The following ADGRG4 variants were observed in gnomAD, a reference collection of about 807,000 sequenced individuals.
ADGRG4 encodes the protein G protein-coupled receptor 112.
ADGRG4 carries 122 observed loss-of-function variants against 126.2 expected under a neutral mutation model. That is an observed-to-expected ratio of 0.97 (90% CI 0.83 to 1.12). ADGRG4 has a LOEUF of 1.12. Ranked by LOEUF, ADGRG4 falls within the 50% of genes most tolerant of loss-of-function variation. ADGRG4 has a pLI of 0.00. For missense variants in ADGRG4, 2,481 were observed against 2,251.8 expected (o/e 1.10, Z -2.06); for synonymous variants, 943 against 838.7 (o/e 1.12, Z -2.15).
rs192372040 is a variant in ADGRG4, at chrX:136,373,481, A to G, written c.7776+417A>G. Among the ~76,000 whole-genome samples, 5 of 111,780 alleles carry G rather than the reference A, an allele frequency of 4.5e-5. No individual in the cohort carries two copies. The East Asian group carries it at 1.4e-3, about 31-fold the overall frequency. ...TGGCTTTAAAGCCTGGGCCCTTTCC[A>G]CCATATCATACCACCTTAGCCTTTG... On this transcript the variant is annotated intron_variant, in intron 15 of 25. Coordinates refer to ENST00000394143, the MANE Select transcript of ADGRG4 (RefSeq NM_153834.4).
intron 4 of ADGRG4, among the ~76,000 whole-genome samples, chrX:136,309,349 C>A (rs2074753767): frequency 8.9e-6 from 1 of 112,090 alleles, no homozygotes. Flanking sequence ...CCCAGACCTT[C>A]CCTAGACTCT....
chrX:136,311,357 G>A (rs771159695), intron 4 of ADGRG4, among the ~76,000 whole-genome samples: 6 of 107,683 alleles, frequency 5.6e-5, no homozygotes, highest in Admixed American at 1.0e-4. Context: ...AAGACATAGG[G>A]CTATAGTAGT....
intron 25 of ADGRG4, among the ~76,000 whole-genome samples, chrX:136,415,096 C>T (rs1459042874): frequency 8.9e-6 from 1 of 112,312 alleles, no homozygotes; most frequent in African/African-American, 3.2e-5. Flanking sequence ...GATGATAGTG[C>T]AGTGGTCTTT....
chrX:136,410,484 T>A (rs2148502286), intron 23 of ADGRG4, among the ~76,000 whole-genome samples: 1 of 111,920 alleles, frequency 8.9e-6, no homozygotes, highest in East Asian at 2.8e-4. Flanking sequence ...ACATTTACAA[T>A]AGACTGGTGC....
chrX:136,323,054 C>T lies in ADGRG4; in HGVS notation c.347C>T (p.Ser116Leu), dbSNP rs1344539018. The change falls in exon 5 of 26, where the codon TCA (serine) becomes TTA (leucine). Residue 116 changes from serine (S) to leucine (L), a missense_variant. By Grantham distance (145) the Ser-to-Leu change is moderately radical. Transcript: ENST00000394143. ...KTFSIRHHLA[S>L]FQWHTICLIW... Reference sequence around the variant, plus strand: ...TTTTCTATCCGTCACCACCTGGCTTCATTTCAATGGCATACAATATGCTTG... The same window carrying T: ...TTTTCTATCCGTCACCACCTGGCTTTATTTCAATGGCATACAATATGCTTG... The T allele has an allele frequency of 1.2e-5, 15 of 1,211,413 alleles. No homozygotes were observed. The highest frequency in any genetic ancestry group is 2.3e-4 in the Middle Eastern group (1 of 4,354).
At chrX:136,333,984 T>A (rs1202691720) in intron 5 of ADGRG4, among the ~76,000 whole-genome samples, 1 of 111,975 alleles carries the variant, frequency 8.9e-6, no homozygotes, top group Non-Finnish European at 1.9e-5. Flanking sequence ...TTTCTAAATA[T>A]TCCATAGCTT....
intron 5 of ADGRG4, among the ~76,000 whole-genome samples, chrX:136,329,508 A>C (rs969629511): frequency 8.9e-6 from 1 of 111,777 alleles, no homozygotes; most frequent in Non-Finnish European, 1.9e-5. Context: ...TATGCAAATT[A>C]TTTGTGCAAG....
intron 5 of ADGRG4, among the ~76,000 whole-genome samples, chrX:136,342,813 T>C (rs746661693): frequency 1.8e-5 from 2 of 110,159 alleles, no homozygotes; most frequent in South Asian, 8.0e-4. Flanking sequence ...CATAGCTTTA[T>C]ATGCTTTATT....
In ADGRG4 at chrX:136,412,254, T is replaced by A; in HGVS notation, c.8936-11T>A. 1 of 1,160,674 alleles carries A rather than the reference T, an allele frequency of 8.6e-7. No homozygotes were observed. Among genetic ancestry groups the A allele is most frequent in the Non-Finnish European group, 1.2e-6 (1 of 848,939 alleles). On this transcript the variant is annotated splice_polypyrimidine_tract_variant and intron_variant, in intron 23 of 25. Coordinates refer to ENST00000394143, the MANE Select transcript of ADGRG4 (RefSeq NM_153834.4). ...AAACCAAAAAAGACTGACCTTCTTC[T>A]TCTGGCTTAGGATTCTTCATTTTTG...
At chrX:136,400,176 G>T (rs1181937827) in intron 21 of ADGRG4, 60 bp downstream of exon 21, 15 of 923,270 alleles carry the variant, frequency 1.6e-5, no homozygotes, top group Non-Finnish European at 2.1e-5. Context: ...TCTAATTCTA[G>T]CTCTGTTAGA....
intron 15 of ADGRG4, among the ~76,000 whole-genome samples, chrX:136,381,684 A>G (rs970102468): frequency 9.0e-6 from 1 of 111,188 alleles, no homozygotes; most frequent in Non-Finnish European, 1.9e-5. Flanking sequence ...GTATGTATAT[A>G]TATATGTATA....
chrX:136,371,264 A>G (rs2075191940), intron 13 of ADGRG4, 64 bp from the exon 14 acceptor site: 1 of 752,037 alleles, frequency 1.3e-6, no homozygotes, highest in African/African-American at 2.1e-5. Context: ...AAAGGGAAAG[A>G]AGCACACCAG....
At position 136,372,954 on chromosome X, in the gene ADGRG4, A is replaced by G. The variant is rs1221498415; in HGVS notation, c.7666A>G (p.Ile2556Val). Residue 2556 changes from isoleucine to valine, a missense_variant, in exon 15 of 26, where the codon ATA becomes GTA. Physicochemically the swap from Ile to Val is conservative, Grantham distance 29. Coordinates refer to ENST00000394143, the MANE Select transcript of ADGRG4 (RefSeq NM_153834.4). ...TCACAAGATGGAGTTTTCTGGGCAG[A>G]TAGCAAATCTGACGGTGGCCGGGCT... ...TGHKMEFSGQ[I>V]ANLTVAGLAL... The G allele has an allele frequency of 8.3e-7, 1 of 1,211,499 alleles. No individual in the cohort carries two copies. The highest frequency in any genetic ancestry group is 3.0e-5 in the East Asian group (1 of 33,836).
At chrX:136,379,444 C>T (rs1461299041) in intron 15 of ADGRG4, among the ~76,000 whole-genome samples, 1 of 104,230 alleles carries the variant, frequency 9.6e-6, no homozygotes, top group Admixed American at 1.0e-4. Context: ...TTGCCCCCTG[C>T]CCTCTCCTCC....
At position 136,349,149 on chromosome X, in the gene ADGRG4, A is replaced by G. The variant is rs758177687; in HGVS notation, c.5443A>G (p.Asn1815Asp). 7 of 1,198,363 alleles carry G rather than the reference A, an allele frequency of 5.8e-6. No homozygotes were observed. Among genetic ancestry groups the G allele is most frequent in the Non-Finnish European group, 7.9e-6 (7 of 883,784 alleles). ...TSLTNYATSLNTPVSYPPWTP... is the reference protein window; with the variant it reads ...TSLTNYATSLDTPVSYPPWTP... ...CTTAACAAACTATGCCACATCTTTG[A>G]ATACCCCTGTTTCATACCCTCCATG... The change falls in exon 6 of 26, where the codon AAT becomes GAT. Residue 1815 changes from asparagine (N) to aspartate (D), a missense_variant. By Grantham distance (23) the Asn-to-Asp change is conservative (BLOSUM62 1). Transcript: ENST00000394143.
chrX:136,384,914 T>A (rs1382906899), intron 15 of ADGRG4, among the ~76,000 whole-genome samples: 3 of 111,273 alleles, frequency 2.7e-5, no homozygotes. Flanking sequence ...TTTGTACTTA[T>A]CCTGCTAAGG....
In ADGRG4 at chrX:136,345,804, A is replaced by G; in HGVS notation, c.2098A>G (p.Thr700Ala). ...TTATACAGAATATTTATCCGCAACTACCAATATCACCCCACTGAAAGCATC... is the reference window on the plus strand; with the variant it reads ...TTATACAGAATATTTATCCGCAACTGCCAATATCACCCCACTGAAAGCATC... Reference protein sequence around the residue: ...TTYTEYLSATTNITPLKASPE... With the variant: ...TTYTEYLSATANITPLKASPE... Residue 700 changes from threonine (T) to alanine (A), a missense_variant, in exon 6 of 26, where the codon ACC (threonine) becomes GCC (alanine). Thr to Ala is a moderately conservative substitution (Grantham distance 58). Transcript: ENST00000394143. 1 of 1,210,178 alleles carries G rather than the reference A, an allele frequency of 8.3e-7. No homozygotes were observed.
intron 12 of ADGRG4, among the ~76,000 whole-genome samples, chrX:136,362,068 G>A (rs1047622430): frequency 9.0e-6 from 1 of 111,098 alleles, no homozygotes; most frequent in Non-Finnish European, 1.9e-5. Flanking sequence ...TAGTTGATGG[G>A]CTATAGTAAT....
Position 136,372,893 on chromosome X carries a change from T to G in ADGRG4, c.7614-9T>G. On this transcript the variant is annotated splice_polypyrimidine_tract_variant and intron_variant, in intron 14 of 25. Transcript: ENST00000394143. ...TAGGATGCTCTTCTCCATCTGTGGTTTCTTGCAGAATTCTGAGGATAATTG... is the reference window on the plus strand; with the variant it reads ...TAGGATGCTCTTCTCCATCTGTGGTGTCTTGCAGAATTCTGAGGATAATTG... 1 of 1,210,546 alleles carries G rather than the reference T, an allele frequency of 8.3e-7. No homozygotes were observed. Among genetic ancestry groups the G allele is most frequent in the Non-Finnish European group, 1.1e-6 (1 of 894,262 alleles).
Sources: gnomAD v4.1 joint callset for allele counts (sites outside exome capture counted in the v4.1 genomes callset) on GRCh38, gnomAD v4.1.1 for gene constraint, MANE v1.5 for transcripts, NCBI Gene and HGNC (gene_info 2026-07-23, HGNC 2026-07-21) for gene names.